The following SLC37A1 variants were observed in gnomAD, a reference collection of about 807,000 sequenced individuals.
The protein encoded by SLC37A1 is glucose-6-phosphate exchanger SLC37A1.
SLC37A1 carries 49 observed loss-of-function variants against 75.3 expected under a neutral mutation model. The ratio of observed to expected loss-of-function variants is 0.65; its 90% CI spans 0.52 to 0.83. The LOEUF is 0.83. Ranked by LOEUF, SLC37A1 falls within the 40% of genes least tolerant of loss-of-function variation. SLC37A1 has a pLI of 0.00. For missense variants in SLC37A1, 566 were observed against 695.0 expected, an observed-to-expected ratio of 0.81 and a Z score of 2.09; for synonymous variants, 268 against 292.1, an observed-to-expected ratio of 0.92 and a Z score of 0.84.
rs762884712 is a variant in SLC37A1 at position 42,563,924 on chromosome 21, C to G, written c.1135+47C>G. On this transcript the variant is annotated intron_variant, in intron 13 of 19. Transcript: ENST00000352133. ...CTGCTGCAACAATAATTTCGCAAGG[C>G]GCATGATCTCTGAGTTGATTCACTG... 3.8e-6 allele frequency: 6 copies of G among 1,599,724 alleles called. No homozygotes were observed. The African/African-American group carries it at 6.7e-5, about 18-fold the overall frequency.
At chr21:42,551,902 C>T (rs1319166829) in intron 9 of SLC37A1, among the ~76,000 whole-genome samples, 1 of 151,922 alleles carries the variant, frequency 6.6e-6, no homozygotes, top group Non-Finnish European at 1.5e-5. Context: ...ATTTTTTCTA[C>T]CAAGTTTCCC....
intron 2 of SLC37A1, among the ~76,000 whole-genome samples, chr21:42,521,328 T>C (rs773422157): frequency 2.6e-5 from 4 of 152,184 alleles, no homozygotes; most frequent in Non-Finnish European, 4.4e-5. Context: ...TCAGAAAACA[T>C]AGACAGAATT....
At chr21:42,544,226 G>A (rs1018781481) in intron 8 of SLC37A1, among the ~76,000 whole-genome samples, 2 of 152,142 alleles carry the variant, frequency 1.3e-5, no homozygotes. Context: ...CTCGAATCCC[G>A]CAAGCCATTC....
In SLC37A1 at chr21:42,565,752, GAGA is replaced by G. The variant is rs1450911355; in HGVS notation, c.1222-72_1222-70del. ...CCTGAGAATCACCCGCCGGGTTTTT[GAGA>G]AGTAGATTTCCAGCAATCTCGCACT... On this transcript the variant is annotated intron_variant, in intron 14 of 19. Transcript: ENST00000352133. 30 of 1,414,052 alleles carry G rather than the reference GAGA, an allele frequency of 2.1e-5. No homozygotes were observed. In the Admixed American group the frequency reaches 4.5e-4, roughly 21 times the overall value. 87.6% of individuals were successfully genotyped at this position (1,414,052 alleles called of 1,614,324 possible). A position where few individuals can be genotyped will look rare whatever the true frequency, so the allele number is the denominator to read the frequency against.
intron 9 of SLC37A1, among the ~76,000 whole-genome samples, chr21:42,550,988 T>G (rs1276879760): frequency 6.6e-6 from 1 of 152,222 alleles, no homozygotes; most frequent in East Asian, 1.9e-4. Flanking sequence ...AAAGACCAGG[T>G]GCTTTCCGCC....
chr21:42,529,630 A>C (rs534079468), intron 3 of SLC37A1, among the ~76,000 whole-genome samples: 1 of 152,228 alleles, frequency 6.6e-6, no homozygotes, highest in Non-Finnish European at 1.5e-5. Flanking sequence ...GAAGAAAATT[A>C]TGTTTATCGT....
rs769621153 is a variant in SLC37A1 at position 42,534,840 on chromosome 21, T to C, written c.271+10T>C. On this transcript the variant is annotated intron_variant, in intron 4 of 19. Transcript: ENST00000352133. ...GGCTGGGCACCGTTTGGTAAGTCGA[T>C]TATCGGTCCGTCCAGGAGCCGAAGC... 2.5e-6 allele frequency: 4 copies of C among 1,612,966 alleles called. No individual in the cohort carries two copies.
At chr21:42,555,794 A>T (rs1439840779) in intron 10 of SLC37A1, among the ~76,000 whole-genome samples, 1 of 152,198 alleles carries the variant, frequency 6.6e-6, no homozygotes, top group Non-Finnish European at 1.5e-5. Flanking sequence ...CTTGCCATCA[A>T]GGAGCCAGTT....
chr21:42,505,818 T>G (rs1474856847), intron 2 of SLC37A1, among the ~76,000 whole-genome samples: 4 of 152,224 alleles, frequency 2.6e-5, no homozygotes, highest in African/African-American at 9.7e-5. Context: ...TTAGGGGAAT[T>G]TTTAAGTTAT....
intron 1 of SLC37A1, among the ~76,000 whole-genome samples, chr21:42,517,518 G>A (rs1277541104): frequency 1.3e-5 from 2 of 152,164 alleles, no homozygotes; most frequent in Admixed American, 6.5e-5. Flanking sequence ...ACTTTCGAGG[G>A]AGGCAAAAGT....
At chr21:42,546,419 A>C (rs1287370011) in intron 8 of SLC37A1, among the ~76,000 whole-genome samples, 2 of 152,200 alleles carry the variant, frequency 1.3e-5, no homozygotes, top group Admixed American at 6.5e-5. Context: ...ACCTCATTAC[A>C]GACATTCTTC....
At chr21:42,566,962 C>T in intron 15 of SLC37A1, 23 bp from the exon 16 acceptor site, 1 of 1,600,304 alleles carries the variant, frequency 6.2e-7, no homozygotes. Context: ...CATTTCCATT[C>T]TTTGCCCCTC....
rs116707027 is a variant in SLC37A1, at chr21:42,524,291, C to T, written c.57-1485C>T. On this transcript the variant is annotated intron_variant, in intron 2 of 19. Transcript: ENST00000352133. ...TCTTTCTCCCAACCCATTTTGTTGC[C>T]CCAAAAAGTATTTTTCTATGCGGTG... Among the ~76,000 whole-genome samples, 297 of 150,038 alleles carry T rather than the reference C, an allele frequency of 2.0e-3. 1 individual carries two copies. Among genetic ancestry groups the T allele is most frequent in the African/African-American group, 7.0e-3 (287 of 41,256 alleles).
Position 42,539,422 on chromosome 21 carries a change from A to C in SLC37A1, c.351-90A>C. ...GAGTTCCCCAAGCTCAGAGAACAGCATGAAAGCATCCGGCAAGAAACAGCC... is the reference window on the plus strand; with the variant it reads ...GAGTTCCCCAAGCTCAGAGAACAGCCTGAAAGCATCCGGCAAGAAACAGCC... On this transcript the variant is annotated intron_variant, in intron 5 of 19. Coordinates refer to ENST00000352133, the MANE Select transcript of SLC37A1 (RefSeq NM_001320537.2). 3 of 1,446,072 alleles carry C rather than the reference A, an allele frequency of 2.1e-6. No homozygotes were observed. In the South Asian group the frequency reaches 4.0e-5, roughly 19 times the overall value. 89.6% of individuals were successfully genotyped at this position (1,446,072 alleles called of 1,614,324 possible). A position where few individuals can be genotyped will look rare whatever the true frequency, so the allele number is the denominator to read the frequency against.
chr21:42,504,803 G>C (rs1312430132), intron 2 of SLC37A1, among the ~76,000 whole-genome samples: 1 of 152,086 alleles, frequency 6.6e-6, no homozygotes, highest in Non-Finnish European at 1.5e-5. Flanking sequence ...AACTCAACAA[G>C]GGCAAAACTG....
At chr21:42,517,340 AC>A (rs2054539684) in intron 1 of SLC37A1, among the ~76,000 whole-genome samples, 1 of 152,140 alleles carries the variant, frequency 6.6e-6, no homozygotes, top group South Asian at 2.1e-4. Context: ...GGTGAATCCC[AC>A]CTATTCAGGC....
chr21:42,510,454 G>T (rs986654977), upstream of SLC37A1, among the ~76,000 whole-genome samples: 1 of 152,170 alleles, frequency 6.6e-6, no homozygotes, highest in Admixed American at 6.5e-5. Context: ...AAGATAGTAA[G>T]GGAGTAACAA....
At chr21:42,506,868 T>G (rs1250269576) in intron 2 of SLC37A1, among the ~76,000 whole-genome samples, 2 of 152,106 alleles carry the variant, frequency 1.3e-5, no homozygotes, top group Admixed American at 1.3e-4. Context: ...GGAAAGAATA[T>G]CATATTCAAT....
At chr21:42,542,243 T>G (rs2055301398) in intron 6 of SLC37A1, among the ~76,000 whole-genome samples, 161 bp from the exon 7 acceptor site, 1 of 152,238 alleles carries the variant, frequency 6.6e-6, no homozygotes, top group African/African-American at 2.4e-5. Flanking sequence ...TTTTAAAATA[T>G]ATATGTAGTT....
Sources: gnomAD v4.1 joint callset for allele counts (sites outside exome capture counted in the v4.1 genomes callset) on GRCh38, gnomAD v4.1.1 for gene constraint, MANE v1.5 for transcripts, NCBI Gene and HGNC (gene_info 2026-07-23, HGNC 2026-07-21) for gene names.